Variants in LHX4 observed in about 807,000 individuals in gnomAD.
LHX4 encodes the protein LIM/homeobox protein Lhx4.
Under a neutral mutation model 39.2 loss-of-function variants are expected in LHX4, and 16 were observed. The ratio of observed to expected loss-of-function variants is 0.41; its 90% CI spans 0.28 to 0.62. The LOEUF (loss-of-function observed/expected upper bound fraction) is 0.62, where lower values mean the gene tolerates loss of function less well. LHX4 is among the 20% of genes least tolerant of loss of function. The pLI, the probability that LHX4 is intolerant of heterozygous loss-of-function variation, is 0.33. For missense variants in LHX4, 439 were observed against 511.9 expected (o/e 0.86, Z 1.37); for synonymous variants, 206 against 198.1 (o/e 1.04, Z -0.33).
intron 3 of LHX4, among the ~76,000 whole-genome samples, chr1:180,267,879 G>A (rs1333711757): frequency 1.3e-5 from 2 of 152,170 alleles, no homozygotes; most frequent in South Asian, 2.1e-4. Flanking sequence ...GGATTCATAA[G>A]GGCCCTTTAG....
chr1:180,229,963 G>GCGGGGGGGGGC (rs1558204889), upstream of LHX4, among the ~76,000 whole-genome samples: 1 of 78,228 alleles, frequency 1.3e-5, no homozygotes, highest in African/African-American at 4.4e-5. Context: ...CGGAGGCGGG[G>GCGGGGGGGGGC]AGGGGGGGGG....
Position 180,250,323 on chromosome 1 carries a change from TTGTGTGTGTGTGTGTG to T in LHX4, c.248+1878_248+1893del, listed in dbSNP as rs757617473. Among the ~76,000 whole-genome samples the T allele has an allele frequency of 4.3e-3, 509 of 119,698 alleles. 3 individuals carry two copies. Among genetic ancestry groups the T allele is most frequent in the African/African-American group, 0.017 (479 of 28,228 alleles). 78.5% of individuals were successfully genotyped at this position (119,698 alleles called of 152,430 possible). On this transcript the variant is annotated intron_variant, in intron 2 of 5. Transcript: ENST00000263726. ...CTGGGTGGAGTGAATTTCCCTGTGT[TTGTGTGTGTGTGTGTG>T]TGTGTGTGTGCGCGCGTGGGTTGAC...
chr1:180,233,271 C>T (rs1050032167), intron 1 of LHX4, among the ~76,000 whole-genome samples: 4 of 152,274 alleles, frequency 2.6e-5, no homozygotes, highest in African/African-American at 4.8e-5. Flanking sequence ...CGGCCTCCCG[C>T]CCCCGCAGGC....
chr1:180,236,814 A>C (rs1664331085), intron 1 of LHX4, among the ~76,000 whole-genome samples: 1 of 152,198 alleles, frequency 6.6e-6, no homozygotes, highest in Non-Finnish European at 1.5e-5. Flanking sequence ...GGACAAAAGG[A>C]GTAATATTAC....
chr1:180,248,540 G>A, intron 2 of LHX4, 84 bp downstream of exon 2: 1 of 1,487,548 alleles, frequency 6.7e-7, no homozygotes. Context: ...AGCAGGGTAG[G>A]CCAGGGAGGG....
At chr1:180,262,489 A>G (rs1162071571) in intron 2 of LHX4, among the ~76,000 whole-genome samples, 2 of 152,046 alleles carry the variant, frequency 1.3e-5, no homozygotes, top group African/African-American at 2.4e-5. Flanking sequence ...TTTATGTCAG[A>G]ATCTTGCACA....
At chr1:180,253,172 T>A (rs1647697853) in intron 2 of LHX4, among the ~76,000 whole-genome samples, 1 of 152,186 alleles carries the variant, frequency 6.6e-6, no homozygotes, top group Non-Finnish European at 1.5e-5. Flanking sequence ...GGGCAATGAC[T>A]CCTCGTGTCG....
At position 180,271,382 on chromosome 1, in the gene LHX4, G is replaced by A. The variant is rs1319838304; in HGVS notation, c.454G>A (p.Asp152Asn). The A allele has an allele frequency of 6.2e-7, 1 of 1,614,188 alleles. No homozygotes were observed. The highest frequency in any genetic ancestry group is 1.1e-5 in the South Asian group (1 of 91,068). ...EDYETAKQND[D>N]SEAGAKRPRT... ...TAAGCAGTGGTTTTTCCTTGCAGAT[G>A]ACTCAGAGGCTGGAGCTAAGCGGCC... The change falls in exon 4 of 6, where the codon GAC becomes AAC. Residue 152 changes from aspartate (D) to asparagine (N), a missense_variant and splice_region_variant. Transcript: ENST00000263726.
At chr1:180,271,260 C>T (rs972299579) in intron 3 of LHX4, 120 bp from the exon 4 acceptor site, 36 of 1,110,018 alleles carry the variant, frequency 3.2e-5, no homozygotes, top group East Asian at 2.1e-4. Context: ...CCCTGTGCCT[C>T]GCGCTGTCCT....
rs1649167810 is a variant in LHX4, at chr1:180,278,366, GC to G, written c.*3790del. 6.6e-6 allele frequency: 1 copy of G among 151,966 alleles called. No homozygotes were observed. The highest frequency in any genetic ancestry group is 2.4e-5 in the African/African-American group (1 of 41,354). The allele number at this position is 151,966 out of a possible 1,614,324, so 9.4% of individuals were successfully genotyped here. A position where few individuals can be genotyped will look rare whatever the true frequency, so the allele number is the denominator to read the frequency against. On this transcript the variant is annotated 3_prime_UTR_variant, in exon 6 of 6. Transcript: ENST00000263726. ...TCTTCTTTCTTGGATTGGTCAATTGGCCCTTTTTGCAGTAGTTGCTCCAACT... is the reference window on the plus strand; with the variant it reads ...TCTTCTTTCTTGGATTGGTCAATTGGCCTTTTTGCAGTAGTTGCTCCAACT...
At chr1:180,246,912 CAG>C (rs1294362605) in intron 1 of LHX4, among the ~76,000 whole-genome samples, 1 of 152,178 alleles carries the variant, frequency 6.6e-6, no homozygotes, top group Admixed American at 6.5e-5. Context: ...CCGTGCTAGG[CAG>C]TGACCGTTTA....
At chr1:180,252,753 G>A (rs1047716200) in intron 2 of LHX4, among the ~76,000 whole-genome samples, 3 of 152,200 alleles carry the variant, frequency 2.0e-5, no homozygotes, top group South Asian at 2.1e-4. Context: ...GAAGGAGGCC[G>A]GGAGGTCAGG....
chr1:180,269,971 C>T (rs1451985007), intron 3 of LHX4: 2 of 152,174 alleles, frequency 1.3e-5, no homozygotes, highest in African/African-American at 2.4e-5. Flanking sequence ...GAAAACAGCC[C>T]GAGGAGAAGG....
chr1:180,260,651 C>A (rs1012262338), intron 2 of LHX4, among the ~76,000 whole-genome samples: 1 of 151,812 alleles, frequency 6.6e-6, no homozygotes, highest in South Asian at 2.1e-4. Context: ...AGGTGGACAG[C>A]GGGCCAATTA....
At chr1:180,228,857 G>A (rs78934397), upstream of LHX4, among the ~76,000 whole-genome samples, 5,794 of 152,262 alleles carry the variant, frequency 0.038, 227 homozygotes, top group African/African-American at 0.1. Flanking sequence ...GAAGGCTGGG[G>A]AGGGCACACA....
intron 1 of LHX4, among the ~76,000 whole-genome samples, chr1:180,243,047 G>A (rs1043757620): frequency 1.5e-4 from 23 of 152,088 alleles, no homozygotes; most frequent in Non-Finnish European, 4.4e-5. Flanking sequence ...GGAGTGCAGG[G>A]GCGCTATCTG....
In LHX4 at chr1:180,277,753, C is replaced by G. The variant is rs1054647185; in HGVS notation, c.*3174C>G. On this transcript the variant is annotated 3_prime_UTR_variant, in exon 6 of 6. Transcript: ENST00000263726. ...TCTCATCTGACAGTTATGAATATAA[C>G]GTAAAATAAAGATCAACTATCATTG... 1 of 151,654 alleles carries G rather than the reference C, an allele frequency of 6.6e-6. No individual in the cohort carries two copies. Among genetic ancestry groups the G allele is most frequent in the East Asian group, 1.9e-4 (1 of 5,188 alleles). 9.4% of individuals were successfully genotyped at this position (151,654 alleles called of 1,614,324 possible).
rs1649123187 is a variant in LHX4, at chr1:180,277,780, T to C, written c.*3201T>C. On this transcript the variant is annotated 3_prime_UTR_variant, in exon 6 of 6. Coordinates refer to ENST00000263726, the MANE Select transcript of LHX4 (RefSeq NM_033343.4). ...TAAAATAAAGATCAACTATCATTGATAACACTGTTCCTGCAAATGAATACT... is the reference window on the plus strand; with the variant it reads ...TAAAATAAAGATCAACTATCATTGACAACACTGTTCCTGCAAATGAATACT... The C allele has an allele frequency of 1.3e-5, 2 of 151,550 alleles. No individual in the cohort carries two copies. Among genetic ancestry groups the C allele is most frequent in the South Asian group, 4.2e-4 (2 of 4,792 alleles). 9.4% of individuals were successfully genotyped at this position (151,550 alleles called of 1,614,324 possible).
chr1:180,239,648 G>C (rs1002925311), intron 1 of LHX4, among the ~76,000 whole-genome samples: 17 of 152,234 alleles, frequency 1.1e-4, no homozygotes, highest in African/African-American at 3.1e-4. Context: ...ATCAGACCCA[G>C]AGTAAAAGAA....
Sources: allele counts gnomAD v4.1 joint callset (sites outside exome capture counted in the v4.1 genomes callset), GRCh38; gene constraint gnomAD v4.1.1; transcripts MANE v1.5; gene names NCBI Gene and HGNC (gene_info 2026-07-23, HGNC 2026-07-21).